DENND2B: variants seen among roughly 807,000 people sequenced by gnomAD.
The protein encoded by DENND2B is DENN domain-containing protein 2B.
In DENND2B, 32 loss-of-function variants were observed where a neutral mutation model predicts 116.0. The observed-to-expected ratio is 0.28, with a 90% CI of 0.21 to 0.37. The LOEUF (loss-of-function observed/expected upper bound fraction) is 0.37. Among genes scored for constraint, DENND2B ranks in the 10% least tolerant of loss-of-function variants. The pLI is 1.00. For missense variants in DENND2B, 1,276 were observed against 1,477.7 expected (o/e 0.86, Z 2.24); for synonymous variants, 588 against 583.9 (o/e 1.01, Z -0.10).
intron 4 of DENND2B, among the ~76,000 whole-genome samples, chr11:8,829,488 T>C (rs1668633003): frequency 6.6e-6 from 1 of 152,108 alleles, no homozygotes; most frequent in African/African-American, 2.4e-5. Flanking sequence ...TTTTGTGCAC[T>C]CCTATGAATC....
In DENND2B at chr11:8,707,072, C is replaced by T. The variant is rs762854951; in HGVS notation, c.2571+13G>A. 8 of 1,609,022 alleles carry T rather than the reference C, an allele frequency of 5.0e-6. No homozygotes were observed. In the East Asian group the frequency reaches 1.1e-4, roughly 22 times the overall value. The stretch of plus-strand genomic sequence containing the variant: ...GCCCGTAGCCCGAGAGAAGAGGGTG[C>T]AGAAATCCCTACCTCATTGCCAGCA... On this transcript the variant is annotated intron_variant, in intron 13 of 19. Transcript: ENST00000313726. The surrounding 1 kb of genome is among the most constrained non-coding windows in gnomAD (Gnocchi z 4.8).
At chr11:8,885,344 T>C (rs1465406934) in intron 1 of DENND2B, among the ~76,000 whole-genome samples, 1 of 152,266 alleles carries the variant, frequency 6.6e-6, no homozygotes, top group Non-Finnish European at 1.5e-5. Flanking sequence ...TATAGAATCT[T>C]TTTTAATTCA....
chr11:8,793,876 T>C (rs1044226825), intron 1 of DENND2B, among the ~76,000 whole-genome samples: 2 of 152,162 alleles, frequency 1.3e-5, no homozygotes, highest in African/African-American at 4.8e-5. Flanking sequence ...TTACTTTCCA[T>C]TTTTTTAAAT....
intron 2 of DENND2B, among the ~76,000 whole-genome samples, chr11:8,861,113 G>A (rs2063376041): frequency 6.6e-6 from 1 of 152,026 alleles, no homozygotes; most frequent in South Asian, 2.1e-4. Context: ...AACTCTTCTG[G>A]ACATTGGGTG....
In DENND2B at chr11:8,730,750, C is replaced by T. The variant is rs2047985582; in HGVS notation, c.540G>A (p.Arg180=). The T allele has an allele frequency of 6.2e-7, 1 of 1,612,538 alleles. No homozygotes were observed. Among genetic ancestry groups the T allele is most frequent in the Admixed American group, 1.7e-5 (1 of 60,014 alleles). ...CCCGCTTCTCTCCACACATGCTCAT[C>T]CTGGGCGACGCCTCTCGGCGACCTT... is the stretch of plus-strand genomic sequence containing the variant. ...AWEGRREASP[R]MSMCGEKREG... is the part of the protein sequence containing the mutation. The change falls in exon 3 of 20, where the codon AGG becomes AGA. Residue 180 remains arginine, a synonymous_variant. Coordinates refer to ENST00000313726, the MANE Select transcript of DENND2B (RefSeq NM_213618.2). The surrounding 1 kb of genome is among the most constrained non-coding windows in gnomAD (Gnocchi z 4.1).
upstream of DENND2B, among the ~76,000 whole-genome samples, chr11:8,814,531 CTT>C (rs2061503229): frequency 6.6e-6 from 1 of 152,144 alleles, no homozygotes; most frequent in Non-Finnish European, 1.5e-5. Flanking sequence ...ACCAAGCAGT[CTT>C]TGCCTGGATA....
At chr11:8,899,060 T>A (rs1271012626) in intron 1 of DENND2B, among the ~76,000 whole-genome samples, 1 of 151,986 alleles carries the variant, frequency 6.6e-6, no homozygotes, top group African/African-American at 2.4e-5. Context: ...AGAAAATAAT[T>A]GAAATGAAAA....
intron 1 of DENND2B, among the ~76,000 whole-genome samples, chr11:8,754,900 C>T (rs1444354707): frequency 2.6e-5 from 4 of 152,060 alleles, no homozygotes; most frequent in Non-Finnish European, 4.4e-5. Flanking sequence ...GATAGGAGTA[C>T]GGGGTTTCTT....
intron 1 of DENND2B, among the ~76,000 whole-genome samples, chr11:8,893,061 G>A (rs2064054274): frequency 6.6e-6 from 1 of 152,146 alleles, no homozygotes. Flanking sequence ...GATCAAGTGG[G>A]CTTCATCCCT....
intron 2 of DENND2B, among the ~76,000 whole-genome samples, chr11:8,741,534 G>T (rs962733122): frequency 6.6e-6 from 1 of 152,212 alleles, no homozygotes; most frequent in African/African-American, 2.4e-5. Context: ...AGGAAACCAT[G>T]CCAATGGCAC....
intron 1 of DENND2B, among the ~76,000 whole-genome samples, chr11:8,902,056 G>T (rs529908061): frequency 6.6e-6 from 1 of 152,208 alleles, no homozygotes; most frequent in East Asian, 1.9e-4. Context: ...GGCTGGGCAC[G>T]GTGGCTCATG....
At position 8,694,147 on chromosome 11, in the gene DENND2B, A is replaced by C. The variant is rs2039889579; in HGVS notation, c.3380-17T>G. 2 of 1,614,140 alleles carry C rather than the reference A, an allele frequency of 1.2e-6. No individual in the cohort carries two copies. Among genetic ancestry groups the C allele is most frequent in the African/African-American group, 2.7e-5 (2 of 75,032 alleles). On this transcript the variant is annotated splice_polypyrimidine_tract_variant and intron_variant, in intron 19 of 19. Coordinates refer to ENST00000313726, the MANE Select transcript of DENND2B (RefSeq NM_213618.2). ...TTTTGTTGCCTGTGGGCCAGAGAGGACAAGAGAGAATGTTCAGTGTTATCC... is the reference window on the plus strand; with the variant it reads ...TTTTGTTGCCTGTGGGCCAGAGAGGCCAAGAGAGAATGTTCAGTGTTATCC...
chr11:8,853,060 C>G (rs2063065692), intron 3 of DENND2B, among the ~76,000 whole-genome samples: 1 of 152,166 alleles, frequency 6.6e-6, no homozygotes, highest in African/African-American at 2.4e-5. Flanking sequence ...AGCAAGATTG[C>G]TGTCTTTATG....
rs1239838714 is a variant in DENND2B at position 8,712,249 on chromosome 11, C to A, written c.2172+302G>T. ...ATGATTGCACAATTCTGTGAATACACCCAAACACTGAACTGTATACATTAA... is the reference window on the plus strand; with the variant it reads ...ATGATTGCACAATTCTGTGAATACAACCAAACACTGAACTGTATACATTAA... On this transcript the variant is annotated intron_variant, in intron 9 of 19. Transcript: ENST00000313726. The surrounding 1 kb of genome is among the most constrained non-coding windows in gnomAD (Gnocchi z 4.4). 4.6e-5 allele frequency among the ~76,000 whole-genome samples: 7 copies of A among 152,044 alleles called. No homozygotes were observed. Among genetic ancestry groups the A allele is most frequent in the Non-Finnish European group, 1.5e-5 (1 of 67,994 alleles).
At chr11:8,877,166 C>T (rs1411487387) in intron 2 of DENND2B, among the ~76,000 whole-genome samples, 3 of 132,126 alleles carry the variant, frequency 2.3e-5, no homozygotes, top group Non-Finnish European at 4.6e-5. Context: ...TGCAGTGGTG[C>T]GATCTCGGCT....
intron 1 of DENND2B, among the ~76,000 whole-genome samples, chr11:8,771,242 G>C (rs1271695384): frequency 6.6e-6 from 1 of 152,068 alleles, no homozygotes; most frequent in Non-Finnish European, 1.5e-5. Context: ...AGCTAAAATG[G>C]GTTTTAGAGC....
rs146305008 is a variant in DENND2B, at chr11:8,726,498, C to T, written c.1341-289G>A. 9.6e-3 allele frequency among the ~76,000 whole-genome samples: 1,461 copies of T among 152,300 alleles called. 11 individuals are homozygous for T. Among genetic ancestry groups the T allele is most frequent in the Middle Eastern group, 0.024 (7 of 294 alleles). On this transcript the variant is annotated intron_variant, in intron 3 of 19. Coordinates refer to ENST00000313726, the MANE Select transcript of DENND2B (RefSeq NM_213618.2). ...AGGTGCTGCGTCAAATCCACCTTTA[C>T]ATGTGTTATCTCATTAATCTTCACA...
At position 8,699,231 on chromosome 11, in the gene DENND2B, C is replaced by T. The variant is rs199794982; in HGVS notation, c.2880G>A (p.Lys960=). ...GLLSSSLPKL[K]ELPVEEALMV... ...GGCCCACCTCCTCCACAGGCAGCTC[C>T]TTCAGTTTGGGGAGGGAGCTGGAGA... The change falls in exon 15 of 20, where the codon AAG becomes AAA. Residue 960 remains lysine (K), a synonymous_variant. Coordinates refer to ENST00000313726, the MANE Select transcript of DENND2B (RefSeq NM_213618.2). 2.2e-4 allele frequency: 346 copies of T among 1,573,520 alleles called. No homozygotes were observed. Among genetic ancestry groups the T allele is most frequent in the Non-Finnish European group, 2.8e-4 (327 of 1,165,166 alleles).
intron 2 of DENND2B, among the ~76,000 whole-genome samples, chr11:8,880,164 C>T (rs1026902877): frequency 1.3e-5 from 2 of 152,162 alleles, no homozygotes; most frequent in Non-Finnish European, 2.9e-5. Flanking sequence ...CTTACATCTC[C>T]TTTCCTTCTT....
Sources: gnomAD v4.1 joint callset for allele counts (sites outside exome capture counted in the v4.1 genomes callset) on GRCh38, gnomAD v4.1.1 for gene constraint, Gnocchi (gnomAD v3.1) non-coding constraint, MANE v1.5 for transcripts, NCBI Gene and HGNC (gene_info 2026-07-23, HGNC 2026-07-21) for gene names.